The following DNAH5 variants were observed in gnomAD, a reference collection of about 807,000 sequenced individuals.
The protein encoded by DNAH5 is axonemal beta dynein heavy chain 5.
DNAH5 carries 372 observed loss-of-function variants against 518.2 expected under a neutral mutation model. The observed-to-expected ratio is 0.72, with a 90% CI of 0.66 to 0.78. DNAH5 has a LOEUF of 0.78. Among genes scored for constraint, DNAH5 ranks in the 30% least tolerant of loss-of-function variants. The pLI is 0.00. For synonymous variants in DNAH5, 2,039 were observed against 2,025.9 expected, an observed-to-expected ratio of 1.01 and a Z score of -0.17; for missense variants, 5,523 against 5,687.0, an observed-to-expected ratio of 0.97 and a Z score of 0.93.
chr5:14,004,938 C>T (rs960578156), intron 1 of DNAH5, among the ~76,000 whole-genome samples: 1 of 152,122 alleles, frequency 6.6e-6, no homozygotes, highest in Non-Finnish European at 1.5e-5. Flanking sequence ...CTTGGCCCAT[C>T]GTGTCCCAAA....
At chr5:13,819,355 G>A (rs530297234) in intron 41 of DNAH5, among the ~76,000 whole-genome samples, 2 of 152,178 alleles carry the variant, frequency 1.3e-5, no homozygotes, top group Admixed American at 6.5e-5. Context: ...GCCTGGTAGA[G>A]TCCTGATAGA....
intron 58 of DNAH5, 116 bp downstream of exon 58, chr5:13,768,844 G>A: frequency 8.4e-7 from 1 of 1,196,024 alleles, no homozygotes; most frequent in Admixed American, 1.8e-5. Flanking sequence ...AATCACTCAA[G>A]TGGATAGAGC....
Position 13,791,997 on chromosome 5 carries a change from T to C in DNAH5, c.8445A>G (p.Pro2815=). Residue 2815 remains proline (P), a synonymous_variant, in exon 50 of 79, where the codon CCA becomes CCG. Coordinates refer to ENST00000265104, the MANE Select transcript of DNAH5 (RefSeq NM_001369.3). ...TTCTTTCTTCAGTGTCACTTACATT[T>C]GGTTCCTTGATGACCTCTGAAGTAG... is the stretch of plus-strand genomic sequence containing the variant. ...LNTTSEVIKE[P]NDLLKLWKHE... The C allele has an allele frequency of 6.2e-7, 1 of 1,612,618 alleles. No homozygotes were observed. The highest frequency in any genetic ancestry group is 8.5e-7 in the Non-Finnish European group (1 of 1,178,756).
At chr5:13,986,648 C>T (rs1783072897) in intron 1 of DNAH5, among the ~76,000 whole-genome samples, 1 of 152,184 alleles carries the variant, frequency 6.6e-6, no homozygotes, top group African/African-American at 2.4e-5. Flanking sequence ...GCATCTGCTT[C>T]TTGCACCTTC....
chr5:13,928,080 T>C lies in DNAH5; in HGVS notation c.277+14A>G. On this transcript the variant is annotated intron_variant, in intron 3 of 78. Coordinates refer to ENST00000265104, the MANE Select transcript of DNAH5 (RefSeq NM_001369.3). ...TAACACATTTCTGGGTTATGTCACA[T>C]CAAATTCAGATACCTGTTTCTGCTT... is the stretch of plus-strand genomic sequence containing the variant. The C allele has an allele frequency of 6.2e-7, 1 of 1,605,952 alleles. No individual in the cohort carries two copies. The highest frequency in any genetic ancestry group is 8.5e-7 in the Non-Finnish European group (1 of 1,172,652).
At chr5:13,968,879 G>C (rs114398100) in intron 1 of DNAH5, among the ~76,000 whole-genome samples, 3 of 151,978 alleles carry the variant, frequency 2.0e-5, no homozygotes, top group Non-Finnish European at 4.4e-5. Flanking sequence ...AAATAGTGTC[G>C]ATAGGATTGA....
intron 66 of DNAH5, among the ~76,000 whole-genome samples, chr5:13,736,561 AT>A (rs913000885): frequency 4.2e-4 from 63 of 150,996 alleles, no homozygotes; most frequent in African/African-American, 1.5e-3. Flanking sequence ...TGCCTGGCTA[AT>A]TTTTTTTTCT....
chr5:13,812,191 A>C (rs1580374730), intron 43 of DNAH5, among the ~76,000 whole-genome samples: 1 of 152,172 alleles, frequency 6.6e-6, no homozygotes, highest in East Asian at 1.9e-4. Flanking sequence ...ATGGAGAAAT[A>C]GTCTTCAACT....
At position 13,707,686 on chromosome 5, in the gene DNAH5, A is replaced by AT. The variant is rs138748511; in HGVS notation, c.13338+436dup. On this transcript the variant is annotated intron_variant, in intron 76 of 78. Transcript: ENST00000265104. The surrounding 1 kb of genome is among the most constrained non-coding windows in gnomAD (Gnocchi z 4.0). Reference sequence around the variant, plus strand: ...TTCGACAGCATGTAGCAGAAACTTTATTTTTTTTTTCCTTTTGGTGTGACT... The same window carrying AT: ...TTCGACAGCATGTAGCAGAAACTTTATTTTTTTTTTTCCTTTTGGTGTGACT... Among the ~76,000 whole-genome samples, 3,527 of 148,656 alleles carry AT rather than the reference A, an allele frequency of 0.024. 125 individuals are homozygous for AT. Among genetic ancestry groups the AT allele is most frequent in the African/African-American group, 0.081 (3,289 of 40,434 alleles).
chr5:13,808,279 T>C (rs1007817580), intron 46 of DNAH5, among the ~76,000 whole-genome samples: 2 of 136,568 alleles, frequency 1.5e-5, no homozygotes, highest in Non-Finnish European at 3.2e-5. Context: ...AGAAACACCA[T>C]GGGAAGAACA....
intron 24 of DNAH5, among the ~76,000 whole-genome samples, chr5:13,869,750 T>C (rs1382650480): frequency 3.3e-5 from 5 of 152,266 alleles, no homozygotes; most frequent in African/African-American, 1.2e-4. Flanking sequence ...TTTTATACAA[T>C]CGTTTTGTGT....
At chr5:13,692,412 C>T (rs1164623065) in intron 78 of DNAH5, among the ~76,000 whole-genome samples, 1 of 152,128 alleles carries the variant, frequency 6.6e-6, no homozygotes, top group East Asian at 1.9e-4. Context: ...CACATGCTTC[C>T]TCTCTCTCCT....
At chr5:13,905,672 T>C (rs1397312062) in intron 12 of DNAH5, among the ~76,000 whole-genome samples, 1 of 152,090 alleles carries the variant, frequency 6.6e-6, no homozygotes, top group Admixed American at 6.6e-5. Flanking sequence ...TCATTGCCAG[T>C]GGGAATGCAA....
chr5:13,694,388 T>A (rs1304461929), intron 78 of DNAH5, among the ~76,000 whole-genome samples: 2 of 152,228 alleles, frequency 1.3e-5, no homozygotes, highest in African/African-American at 4.8e-5. Context: ...CGTTGATAGA[T>A]GCTAAACAAC....
chr5:13,929,316 G>A (rs898928036), intron 2 of DNAH5, among the ~76,000 whole-genome samples: 1 of 152,168 alleles, frequency 6.6e-6, no homozygotes, highest in East Asian at 1.9e-4. Flanking sequence ...TAGAATGCGG[G>A]GGTTGCCAGG....
chr5:13,904,504 A>G (rs1287153755), intron 12 of DNAH5, among the ~76,000 whole-genome samples: 1 of 149,860 alleles, frequency 6.7e-6, no homozygotes, highest in Non-Finnish European at 1.5e-5. Flanking sequence ...AGATATATTG[A>G]TTTTATATAT....
chr5:13,960,921 G>T (rs2152046478), intron 1 of DNAH5, among the ~76,000 whole-genome samples: 1 of 152,334 alleles, frequency 6.6e-6, no homozygotes, highest in East Asian at 1.9e-4. Context: ...CACAAGAAGA[G>T]AGAAGAACTG....
At chr5:13,753,640 T>C (rs1750577098) in intron 62 of DNAH5, 91 bp from the exon 63 acceptor site, 24 of 1,171,082 alleles carry the variant, frequency 2.0e-5, no homozygotes, top group Non-Finnish European at 2.5e-5. Flanking sequence ...AAAAAGACAA[T>C]AATTCTTTTA....
rs891025453 is a variant in DNAH5 at position 13,922,419 on chromosome 5, C to G, written c.439-91G>C. On this transcript the variant is annotated intron_variant, in intron 4 of 78. Coordinates refer to ENST00000265104, the MANE Select transcript of DNAH5 (RefSeq NM_001369.3). ...CATTTCTTAAATGTTGTCACTTTACCAAATACCCAGTAAATTATTAGTTTG... is the reference window on the plus strand; with the variant it reads ...CATTTCTTAAATGTTGTCACTTTACGAAATACCCAGTAAATTATTAGTTTG... The G allele has an allele frequency of 4.5e-5, 57 of 1,263,040 alleles. 1 individual carries two copies. The highest frequency in any genetic ancestry group is 8.9e-5 in the African/African-American group (6 of 67,420). 78.2% of individuals were successfully genotyped at this position (1,263,040 alleles called of 1,614,324 possible). A position where few individuals can be genotyped will look rare whatever the true frequency, so the allele number is the denominator to read the frequency against.
Sources: allele counts gnomAD v4.1 joint callset (sites outside exome capture counted in the v4.1 genomes callset), GRCh38; gene constraint gnomAD v4.1.1; non-coding constraint Gnocchi (gnomAD v3.1); transcripts MANE v1.5; gene names NCBI Gene and HGNC (gene_info 2026-07-23, HGNC 2026-07-21).